Variants in UBA6 observed in about 807,000 individuals in gnomAD.
The protein encoded by UBA6 is ubiquitin-like modifier-activating enzyme 6.
A neutral mutation model predicts 148.3 loss-of-function variants in UBA6; 87 were observed. The observed-to-expected ratio is 0.59, with a 90% confidence interval of 0.49 to 0.70. The LOEUF (loss-of-function observed/expected upper bound fraction) is 0.70, where lower values mean the gene tolerates loss of function less well. UBA6 is among the 30% of genes least tolerant of loss of function. The pLI, the probability that UBA6 is intolerant of heterozygous loss-of-function variation, is 0.00. For synonymous variants in UBA6, 376 were observed against 401.0 expected (o/e 0.94, Z 0.75); for missense variants, 1,186 against 1,241.2 (o/e 0.96, Z 0.67).
intron 13 of UBA6, chr4:67,661,899 AAAG>A (rs1350188842): frequency 7.3e-6 from 3 of 408,284 alleles, no homozygotes; most frequent in East Asian, 3.6e-5. Flanking sequence ...ACAGAATAAT[AAAG>A]AATAATAGTA....
rs764736526 is a variant in UBA6, at chr4:67,696,661, C to T, written c.118G>A (p.Asp40Asn). 6.8e-6 allele frequency: 11 copies of T among 1,606,484 alleles called. No individual in the cohort carries two copies. The highest frequency in any genetic ancestry group is 9.4e-6 in the Non-Finnish European group (11 of 1,176,454). The change falls in exon 2 of 33, where the codon GAT becomes AAT. Residue 40 changes from aspartate (D) to asparagine (N), a missense_variant. By Grantham distance (23) the Asp-to-Asn change is conservative. Transcript: ENST00000322244. ...PIMSTASVEI[D>N]DALYSRQRYV... Reference sequence around the variant, plus strand: ...GATTCTTACCTATACAATGCATCATCGATTTCCACAGATGCTGTTGACATA... The same window carrying T: ...GATTCTTACCTATACAATGCATCATTGATTTCCACAGATGCTGTTGACATA...
intron 13 of UBA6, among the ~76,000 whole-genome samples, chr4:67,657,182 C>G (rs1173598250): frequency 2.0e-5 from 3 of 152,194 alleles, no homozygotes; most frequent in Non-Finnish European, 4.4e-5. Context: ...AAAAAAACTA[C>G]TTTAAAGTTC....
rs985952377 is a variant in UBA6, at chr4:67,617,984, T to A, written c.*1013A>T. ...GACCTTAAAAAATAAATTTTTATCT[T>A]CATTAACTCCCTTTCTGGGAATGGG... On this transcript the variant is annotated 3_prime_UTR_variant, in exon 33 of 33. Transcript: ENST00000322244. The A allele has an allele frequency of 2.0e-5, 3 of 150,178 alleles. No homozygotes were observed. In the Admixed American group the frequency reaches 2.0e-4, roughly 10 times the overall value. 9.3% of individuals were successfully genotyped at this position (150,178 alleles called of 1,614,324 possible). A position where few individuals can be genotyped will look rare whatever the true frequency, so the allele number is the denominator to read the frequency against.
intron 10 of UBA6, among the ~76,000 whole-genome samples, chr4:67,664,945 C>T (rs1473073433): frequency 6.6e-6 from 1 of 151,970 alleles, no homozygotes; most frequent in Non-Finnish European, 1.5e-5. Flanking sequence ...CCATTTAGCT[C>T]AACTATATGT....
chr4:67,649,988 C>T (rs955847649), intron 13 of UBA6, among the ~76,000 whole-genome samples: 8 of 152,172 alleles, frequency 5.3e-5, no homozygotes, highest in African/African-American at 1.4e-4. Context: ...GTTTTTATTA[C>T]ACTCTCAAAA....
intron 1 of UBA6, among the ~76,000 whole-genome samples, chr4:67,700,708 C>T (rs546267934): frequency 1.2e-3 from 188 of 152,192 alleles, no homozygotes; most frequent in Non-Finnish European, 2.3e-3. Flanking sequence ...TGGCACCAGT[C>T]GGGGAAGCTC....
intron 4 of UBA6, among the ~76,000 whole-genome samples, chr4:67,679,401 T>G (rs746205815): frequency 6.6e-6 from 1 of 152,148 alleles, no homozygotes; most frequent in Non-Finnish European, 1.5e-5. Flanking sequence ...ATAGTAAAAC[T>G]AAATTTTTTA....
At chr4:67,665,927 A>T (rs577837376) in intron 9 of UBA6, among the ~76,000 whole-genome samples, 1 of 152,180 alleles carries the variant, frequency 6.6e-6, no homozygotes, top group Admixed American at 6.5e-5. Context: ...AACAACCATA[A>T]AAGAAAATAT....
intron 15 of UBA6, among the ~76,000 whole-genome samples, chr4:67,646,242 G>A (rs1729419363): frequency 6.6e-6 from 1 of 151,982 alleles, no homozygotes; most frequent in Non-Finnish European, 1.5e-5. Flanking sequence ...AGGTGACTTT[G>A]GTTTATCTAG....
rs1728940150 is a variant in UBA6, at chr4:67,629,156, A to G, written c.2329-14T>C. On this transcript the variant is annotated splice_polypyrimidine_tract_variant and intron_variant, in intron 26 of 32. Coordinates refer to ENST00000322244, the MANE Select transcript of UBA6 (RefSeq NM_018227.6). Reference sequence around the variant, plus strand: ...TGCTGATAAGTCCTGTTTTTAAAAAAGTAATTTTACCAACAAACATATTCT... The same window carrying G: ...TGCTGATAAGTCCTGTTTTTAAAAAGGTAATTTTACCAACAAACATATTCT... 1.3e-6 allele frequency: 2 copies of G among 1,563,850 alleles called. No homozygotes were observed. The highest frequency in any genetic ancestry group is 3.3e-5 in the Admixed American group (2 of 59,740).
intron 2 of UBA6, among the ~76,000 whole-genome samples, chr4:67,685,137 C>G (rs1730527243): frequency 2.0e-5 from 3 of 152,092 alleles, no homozygotes; most frequent in African/African-American, 7.2e-5. Context: ...TACCCTGATT[C>G]CCACTCCCCA....
chr4:67,628,483 G>T (rs1431153655), intron 27 of UBA6, among the ~76,000 whole-genome samples: 1 of 151,662 alleles, frequency 6.6e-6, no homozygotes, highest in Admixed American at 6.6e-5. Context: ...TGTTATCAGA[G>T]GTTTTCCTCA....
intron 13 of UBA6, among the ~76,000 whole-genome samples, chr4:67,655,707 G>C (rs1417342695): frequency 6.6e-6 from 1 of 151,846 alleles, no homozygotes; most frequent in African/African-American, 2.4e-5. Flanking sequence ...AACTGAAGGA[G>C]ATAGAGACAC....
At chr4:67,695,213 T>C (rs1730804818) in intron 2 of UBA6, among the ~76,000 whole-genome samples, 1 of 152,178 alleles carries the variant, frequency 6.6e-6, no homozygotes, top group South Asian at 2.1e-4. Flanking sequence ...AGAATATAAT[T>C]ATAGATTAAG....
rs1276010037 is a variant in UBA6, at chr4:67,687,447, G to A, written c.135-5234C>T. ...CATATAAAAGTCAGGATTGGGATAT[G>A]AACTCTTACATCTGTCTCCAAAGGC... On this transcript the variant is annotated intron_variant, in intron 2 of 32. Coordinates refer to ENST00000322244, the MANE Select transcript of UBA6 (RefSeq NM_018227.6). Among the ~76,000 whole-genome samples the A allele has an allele frequency of 2.6e-5, 4 of 152,180 alleles. No individual in the cohort carries two copies. In the East Asian group the frequency reaches 7.7e-4, roughly 29 times the overall value.
chr4:67,649,642 A>G (rs1191849457), intron 13 of UBA6, among the ~76,000 whole-genome samples: 1 of 152,204 alleles, frequency 6.6e-6, no homozygotes, highest in Non-Finnish European at 1.5e-5. Context: ...TAAAAATGAT[A>G]AGCTATCAGT....
At position 67,692,518 on chromosome 4, in the gene UBA6, C is replaced by A. The variant is rs900269927; in HGVS notation, c.134+4127G>T. Among the ~76,000 whole-genome samples the A allele has an allele frequency of 2.6e-4, 39 of 152,158 alleles. 1 individual carries two copies. The highest frequency in any genetic ancestry group is 2.6e-3 in the Admixed American group (39 of 15,274). ...AAAAGATAAACACCAGCGGCCAGTC[C>A]TCCGGCTACATAACAAGCAGGCCTG... On this transcript the variant is annotated intron_variant, in intron 2 of 32. Coordinates refer to ENST00000322244, the MANE Select transcript of UBA6 (RefSeq NM_018227.6).
intron 20 of UBA6, 120 bp downstream of exon 20, chr4:67,635,332 GT>G (rs1358368007): frequency 1.7e-6 from 1 of 597,414 alleles, no homozygotes; most frequent in Non-Finnish European, 3.0e-6. Context: ...ATGCACATAT[GT>G]ATGAACATCA....
rs778818093 is a variant in UBA6, at chr4:67,619,172, T to C, written c.3024-40A>G. 8.6e-6 allele frequency: 13 copies of C among 1,512,378 alleles called. No individual in the cohort carries two copies. The South Asian group carries it at 1.3e-4, about 15-fold the overall frequency. 93.7% of individuals were successfully genotyped at this position (1,512,378 alleles called of 1,614,324 possible). A position where few individuals can be genotyped will look rare whatever the true frequency, so the allele number is the denominator to read the frequency against. The stretch of plus-strand genomic sequence containing the variant: ...CAAGAATGAATACTTTGGTAAATTC[T>C]ATAAAATGAAAAAATGATTTGCTGA... On this transcript the variant is annotated intron_variant, in intron 32 of 32. Transcript: ENST00000322244.
Sources: allele counts gnomAD v4.1 joint callset (sites outside exome capture counted in the v4.1 genomes callset), GRCh38; gene constraint gnomAD v4.1.1; transcripts MANE v1.5; gene names NCBI Gene and HGNC (gene_info 2026-07-23, HGNC 2026-07-21).